CSMD1: variants seen among roughly 807,000 people sequenced by gnomAD.
CSMD1 encodes CUB and Sushi multiple domains 1.
A neutral mutation model predicts 417.5 loss-of-function variants in CSMD1; 213 were observed. The observed-to-expected ratio is 0.51, with a 90% CI of 0.46 to 0.57. CSMD1 has a LOEUF of 0.57. Among genes scored for constraint, CSMD1 ranks in the 20% least tolerant of loss-of-function variants. The probability of loss-of-function intolerance (pLI) is 0.00; values close to 1 mark genes in which losing one functional copy is unlikely to be tolerated. For missense variants in CSMD1, 6,923 were observed against 4,529.7 expected (o/e 1.53, Z -15.17); for synonymous variants, 2,862 against 1,736.8 (o/e 1.65, Z -16.11).
chr8:4,345,530 G>A (rs1327945358), intron 3 of CSMD1, among the ~76,000 whole-genome samples: 2 of 152,008 alleles, frequency 1.3e-5, no homozygotes, highest in Non-Finnish European at 2.9e-5. Flanking sequence ...ACAACATGCA[G>A]AATGGGGGAA....
At position 3,219,247 on chromosome 8, in the gene CSMD1, C is replaced by T. The variant is rs75542243; in HGVS notation, c.4672+8G>A. 5.8e-4 allele frequency: 910 copies of T among 1,579,408 alleles called. 9 individuals are homozygous for T. In the African/African-American group the frequency reaches 0.011, roughly 18 times the overall value. ...TAATTCCCACTCAAATTCAGGCAAT[C>T]GCAATACCTTTAAATTCAATGGCGA... On this transcript the variant is annotated splice_region_variant and intron_variant, in intron 29 of 69. Transcript: ENST00000635120.
chr8:4,969,060 C>A (rs1341914567), intron 1 of CSMD1, among the ~76,000 whole-genome samples: 5 of 152,152 alleles, frequency 3.3e-5, no homozygotes, highest in African/African-American at 9.7e-5. Flanking sequence ...CTGAATGCCA[C>A]CATGTAGGTA....
chr8:3,800,679 G>T (rs369903002), intron 5 of CSMD1, among the ~76,000 whole-genome samples: 4 of 152,276 alleles, frequency 2.6e-5, no homozygotes, highest in Admixed American at 6.5e-5. Context: ...TGATATTCTC[G>T]TGGGAGTGAG....
chr8:3,578,565 G>C (rs1488227359), intron 9 of CSMD1, among the ~76,000 whole-genome samples: 1 of 152,150 alleles, frequency 6.6e-6, no homozygotes, highest in Non-Finnish European at 1.5e-5. Context: ...TTTATCTGAT[G>C]TTCTGGGAGG....
chr8:4,460,202 TAATAG>T (rs1215096227), intron 2 of CSMD1, among the ~76,000 whole-genome samples: 1 of 152,046 alleles, frequency 6.6e-6, no homozygotes, highest in African/African-American at 2.4e-5. Flanking sequence ...ATTTGAGAAA[TAATAG>T]AATACGTGGA....
chr8:4,607,787 T>C (rs569651764), intron 2 of CSMD1, among the ~76,000 whole-genome samples: 1 of 152,308 alleles, frequency 6.6e-6, no homozygotes, highest in South Asian at 2.1e-4. Context: ...AAATCCTCAC[T>C]CCCTTTCTTG....
rs1272562041 is a variant in CSMD1, at chr8:4,635,939, G to C, written c.302+1403C>G. On this transcript the variant is annotated intron_variant, in intron 2 of 69. Coordinates refer to ENST00000635120, the MANE Select transcript of CSMD1 (RefSeq NM_033225.6). Reference sequence around the variant, plus strand: ...CTAAAAACAGATAATAGATATTGTAGATGACTCAGAAAAAAAACTAGGTGT... The same window carrying C: ...CTAAAAACAGATAATAGATATTGTACATGACTCAGAAAAAAAACTAGGTGT... Among the ~76,000 whole-genome samples the C allele has an allele frequency of 4.0e-5, 6 of 151,774 alleles. No homozygotes were observed. In the South Asian group the frequency reaches 8.3e-4, roughly 21 times the overall value.
chr8:3,415,194 C>A (rs55748924), intron 12 of CSMD1, among the ~76,000 whole-genome samples: 2 of 152,050 alleles, frequency 1.3e-5, no homozygotes, highest in South Asian at 2.1e-4. Flanking sequence ...AATATGTGTA[C>A]GTATCATAAT....
chr8:3,521,280 C>A (rs1331694946), intron 10 of CSMD1, among the ~76,000 whole-genome samples: 1 of 152,198 alleles, frequency 6.6e-6, no homozygotes, highest in East Asian at 1.9e-4. Context: ...CCTCCCTGTG[C>A]TCAGAGCCAA....
At chr8:3,270,566 C>G (rs755906284) in intron 26 of CSMD1, among the ~76,000 whole-genome samples, 16 of 152,158 alleles carry the variant, frequency 1.1e-4, no homozygotes, top group Non-Finnish European at 1.5e-4. Flanking sequence ...AGAACTTTAT[C>G]AAGAATTATA....
chr8:4,135,989 C>A (rs1477377523), intron 3 of CSMD1, among the ~76,000 whole-genome samples: 1 of 152,010 alleles, frequency 6.6e-6, no homozygotes, highest in African/African-American at 2.4e-5. Context: ...TAGTCATTTT[C>A]ATCACAAATT....
At chr8:4,593,333 A>C (rs915137833) in intron 2 of CSMD1, among the ~76,000 whole-genome samples, 3 of 152,238 alleles carry the variant, frequency 2.0e-5, no homozygotes, top group Non-Finnish European at 4.4e-5. Flanking sequence ...ATACTTCTGC[A>C]GCATGGCTAA....
intron 1 of CSMD1, among the ~76,000 whole-genome samples, chr8:4,797,614 G>A (rs959609037): frequency 6.6e-6 from 1 of 152,118 alleles, no homozygotes; most frequent in Non-Finnish European, 1.5e-5. Flanking sequence ...GAGAGAAAAA[G>A]AGATTGAAAC....
intron 25 of CSMD1, among the ~76,000 whole-genome samples, chr8:3,296,061 G>C (rs1283984321): frequency 6.6e-6 from 1 of 151,930 alleles, no homozygotes; most frequent in Non-Finnish European, 1.5e-5. Flanking sequence ...TAACAAATGA[G>C]TGAAGAATAT....
At chr8:4,800,084 C>T (rs377039739) in intron 1 of CSMD1, among the ~76,000 whole-genome samples, 10 of 152,174 alleles carry the variant, frequency 6.6e-5, no homozygotes, top group East Asian at 3.9e-4. Flanking sequence ...ATTGAATATC[C>T]TGTGTATTTT....
rs546060883 is a variant in CSMD1 at position 4,653,363 on chromosome 8, G to C, written c.86-15805C>G. 2.0e-5 allele frequency among the ~76,000 whole-genome samples: 3 copies of C among 152,170 alleles called. No homozygotes were observed. The South Asian group carries it at 6.2e-4, about 32-fold the overall frequency. On this transcript the variant is annotated intron_variant, in intron 1 of 69. Transcript: ENST00000635120. ...TCAAGTAGGTCATGGCTATCTTTCC[G>C]TGCTGCAGTAGAAACATTTTTTTGT...
intron 10 of CSMD1, among the ~76,000 whole-genome samples, chr8:3,513,061 G>C (rs993013628): frequency 6.6e-5 from 10 of 152,088 alleles, no homozygotes; most frequent in Non-Finnish European, 1.3e-4. Context: ...TTCTAAAACG[G>C]ATAGCTGTGT....
chr8:4,805,451 G>C (rs1047536961), intron 1 of CSMD1, among the ~76,000 whole-genome samples: 21 of 152,120 alleles, frequency 1.4e-4, no homozygotes, highest in Non-Finnish European at 2.2e-4. Context: ...AGGAGGCTCA[G>C]TGGGTTGAGA....
intron 7 of CSMD1, among the ~76,000 whole-genome samples, chr8:3,671,103 G>A (rs1333605818): frequency 2.1e-5 from 3 of 141,656 alleles, no homozygotes; most frequent in Admixed American, 1.4e-4. Context: ...TATATGTATG[G>A]GATATATATG....
Sources: allele counts gnomAD v4.1 joint callset (sites outside exome capture counted in the v4.1 genomes callset), GRCh38; gene constraint gnomAD v4.1.1; transcripts MANE v1.5; gene names NCBI Gene and HGNC (gene_info 2026-07-23, HGNC 2026-07-21).